Variants in KIRREL3 observed in about 807,000 individuals in gnomAD.
KIRREL3 encodes the protein kirre like nephrin family adhesion molecule 3.
A neutral mutation model predicts 89.7 loss-of-function variants in KIRREL3; 36 were observed. The ratio of observed to expected loss-of-function variants is 0.40; its 90% CI spans 0.31 to 0.53. KIRREL3 has a LOEUF of 0.53. Among genes scored for constraint, KIRREL3 ranks in the 20% least tolerant of loss-of-function variants. KIRREL3 has a pLI of 0.49. For synonymous variants in KIRREL3, 445 were observed against 441.4 expected, an observed-to-expected ratio of 1.01 and a Z score of -0.10; for missense variants, 864 against 1,056.6, an observed-to-expected ratio of 0.82 and a Z score of 2.53.
Position 126,527,247 on chromosome 11 carries a change from G to T in KIRREL3, c.134-560C>A, listed in dbSNP as rs1046882590. 3.9e-5 allele frequency among the ~76,000 whole-genome samples: 6 copies of T among 152,008 alleles called. No homozygotes were observed. Among genetic ancestry groups the T allele is most frequent in the African/African-American group, 1.5e-4 (6 of 41,376 alleles). ...GGGTGGGTGGTGGTGCAGTATGGCA[G>T]GAGGTGTGCTGAGGAGGCGTGCCAT... On this transcript the variant is annotated intron_variant, in intron 2 of 16. Coordinates refer to ENST00000525144, the MANE Select transcript of KIRREL3 (RefSeq NM_032531.4). This position sits in a 1 kb window ranked among gnomAD's most constrained non-coding sequence, Gnocchi z 4.2.
In KIRREL3 at chr11:126,486,790, G is replaced by A. The variant is rs1957372835; in HGVS notation, c.434-13324C>T. Among the ~76,000 whole-genome samples, 1 of 152,194 alleles carries A rather than the reference G, an allele frequency of 6.6e-6. No individual in the cohort carries two copies. Among genetic ancestry groups the A allele is most frequent in the African/African-American group, 2.4e-5 (1 of 41,438 alleles). ...ACTCAGTCCTAACTGCGGTACCATA[G>A]GCTGTGCTAGCAGGAGGATCTGCAT... On this transcript the variant is annotated intron_variant, in intron 4 of 16. Coordinates refer to ENST00000525144, the MANE Select transcript of KIRREL3 (RefSeq NM_032531.4). The surrounding 1 kb of genome is among the most constrained non-coding windows in gnomAD (Gnocchi z 6.2).
At chr11:126,846,539 T>G (rs905705613) in intron 1 of KIRREL3, among the ~76,000 whole-genome samples, 1 of 152,214 alleles carries the variant, frequency 6.6e-6, no homozygotes, top group Non-Finnish European at 1.5e-5. Context: ...TTTGGTCTTC[T>G]GTCTGGTGTC....
At chr11:126,616,807 A>G (rs1408586574) in intron 1 of KIRREL3, among the ~76,000 whole-genome samples, 3 of 152,086 alleles carry the variant, frequency 2.0e-5, no homozygotes, top group African/African-American at 7.2e-5. Context: ...GTGATTGGCT[A>G]TTTTTAATTT....
At chr11:126,863,208 C>G (rs2134625008) in intron 1 of KIRREL3, among the ~76,000 whole-genome samples, 1 of 152,350 alleles carries the variant, frequency 6.6e-6, no homozygotes, top group East Asian at 1.9e-4. Context: ...AACGTGCTAC[C>G]TGTGGGGGAA....
intron 4 of KIRREL3, among the ~76,000 whole-genome samples, chr11:126,480,962 G>A (rs1957202262): frequency 6.6e-6 from 1 of 152,170 alleles, no homozygotes; most frequent in East Asian, 1.9e-4. Context: ...AGAGACAAGA[G>A]GGAGCTGACC....
chr11:126,860,635 G>A lies in KIRREL3; in HGVS notation c.55+139820C>T, dbSNP rs371579587. ...AGTTGGGACCTACCCTATAAACAACGTATAGTTGTTGAAGGTTTCTAGACA... is the reference window on the plus strand; with the variant it reads ...AGTTGGGACCTACCCTATAAACAACATATAGTTGTTGAAGGTTTCTAGACA... On this transcript the variant is annotated intron_variant, in intron 1 of 16. Transcript: ENST00000525144. The surrounding 1 kb of genome is among the most constrained non-coding windows in gnomAD (Gnocchi z 4.6). 9.2e-5 allele frequency among the ~76,000 whole-genome samples: 14 copies of A among 152,320 alleles called. No homozygotes were observed. In the East Asian group the frequency reaches 2.1e-3, roughly 23 times the overall value.
At chr11:126,650,160 C>T (rs903629573) in intron 1 of KIRREL3, among the ~76,000 whole-genome samples, 5 of 152,220 alleles carry the variant, frequency 3.3e-5, no homozygotes, top group African/African-American at 9.6e-5. Flanking sequence ...GGACCCTGGG[C>T]CCGTCCCATG....
intron 1 of KIRREL3, among the ~76,000 whole-genome samples, chr11:126,945,704 T>A (rs1270876302): frequency 6.6e-6 from 1 of 152,076 alleles, no homozygotes; most frequent in African/African-American, 2.4e-5. Context: ...TTCCTTATAA[T>A]GGCGGGAAAA....
chr11:126,507,483 A>G (rs76317097), intron 4 of KIRREL3, among the ~76,000 whole-genome samples: 1 of 152,050 alleles, frequency 6.6e-6, no homozygotes. Flanking sequence ...CTTTTTTTGA[A>G]TAGCATTGAT....
At chr11:126,727,303 C>G (rs565519706) in intron 1 of KIRREL3, among the ~76,000 whole-genome samples, 6 of 152,396 alleles carry the variant, frequency 3.9e-5, no homozygotes, top group Non-Finnish European at 7.3e-5. Flanking sequence ...TTCTCAGAAG[C>G]TCAGCTACCT....
rs954337568 is a variant in KIRREL3 at position 126,647,741 on chromosome 11, T to G, written c.56-84829A>C. The stretch of plus-strand genomic sequence containing the variant: ...CGCAGCTTCCATCCTTGTCTTCTGC[T>G]GTCTAGTTTCAACAGGGCAGTCTGA... On this transcript the variant is annotated intron_variant, in intron 1 of 16. Transcript: ENST00000525144. This position sits in a 1 kb window ranked among gnomAD's most constrained non-coding sequence, Gnocchi z 4.9. Among the ~76,000 whole-genome samples, 1 of 152,220 alleles carries G rather than the reference T, an allele frequency of 6.6e-6. No homozygotes were observed. The highest frequency in any genetic ancestry group is 1.5e-5 in the Non-Finnish European group (1 of 68,032).
In KIRREL3 at chr11:126,651,199, A is replaced by G. The variant is rs1944895545; in HGVS notation, c.56-88287T>C. On this transcript the variant is annotated intron_variant, in intron 1 of 16. Transcript: ENST00000525144. This position sits in a 1 kb window ranked among gnomAD's most constrained non-coding sequence, Gnocchi z 4.6. ...ACTGCAATCCACGTCTAAATGAGAA[A>G]ATGGTTCCTTGCTATAGGATTTCTC... is the stretch of plus-strand genomic sequence containing the variant. Among the ~76,000 whole-genome samples, 1 of 152,198 alleles carries G rather than the reference A, an allele frequency of 6.6e-6. No homozygotes were observed. The highest frequency in any genetic ancestry group is 1.5e-5 in the Non-Finnish European group (1 of 68,038).
Position 126,431,661 on chromosome 11 carries a change from G to T in KIRREL3, c.1589-135C>A, listed in dbSNP as rs1955137374. ...TGGGAAATGCCTCAGTGGGGCCTGG[G>T]CAGGCACAGGCCGAGTCCAACTGGG... is the stretch of plus-strand genomic sequence containing the variant. On this transcript the variant is annotated intron_variant, in intron 13 of 16. Coordinates refer to ENST00000525144, the MANE Select transcript of KIRREL3 (RefSeq NM_032531.4). This position sits in a 1 kb window ranked among gnomAD's most constrained non-coding sequence, Gnocchi z 7.1. 1.2e-6 allele frequency: 1 copy of T among 846,890 alleles called. No homozygotes were observed. The highest frequency in any genetic ancestry group is 1.9e-6 in the Non-Finnish European group (1 of 539,810). The allele number at this position is 846,890 out of a possible 1,614,324, so 52.5% of individuals were successfully genotyped here. A position where few individuals can be genotyped will look rare whatever the true frequency, so the allele number is the denominator to read the frequency against.
intron 1 of KIRREL3, among the ~76,000 whole-genome samples, chr11:126,595,103 G>A (rs1942332939): frequency 6.6e-6 from 1 of 152,374 alleles, no homozygotes. Context: ...CCTGAGGGCT[G>A]TCAGCCCGGC....
chr11:126,998,627 C>G (rs1210194597), intron 1 of KIRREL3, among the ~76,000 whole-genome samples: 1 of 152,300 alleles, frequency 6.6e-6, no homozygotes, highest in East Asian at 1.9e-4. Flanking sequence ...ATGAAGCAGT[C>G]AAGAAACAGC....
At chr11:126,741,315 A>T (rs918258308) in intron 1 of KIRREL3, among the ~76,000 whole-genome samples, 1 of 152,196 alleles carries the variant, frequency 6.6e-6, no homozygotes, top group Admixed American at 6.5e-5. Context: ...TTAATGATAC[A>T]GTCTTTATGG....
chr11:126,665,112 T>C (rs1284852942), intron 1 of KIRREL3, among the ~76,000 whole-genome samples: 1 of 152,168 alleles, frequency 6.6e-6, no homozygotes, highest in Non-Finnish European at 1.5e-5. Context: ...TGTTGTAGAT[T>C]TCCTTCCACC....
rs941933020 is a variant in KIRREL3 at position 126,537,824 on chromosome 11, G to T, written c.134-11137C>A. 6.6e-6 allele frequency among the ~76,000 whole-genome samples: 1 copy of T among 152,244 alleles called. No homozygotes were observed. The highest frequency in any genetic ancestry group is 1.9e-4 in the East Asian group (1 of 5,206). Reference sequence around the variant, plus strand: ...TTCACAAAGGGTCATTCTTACTTTCGTCACTATCCACAAGTCTTTCCTGAG... The same window carrying T: ...TTCACAAAGGGTCATTCTTACTTTCTTCACTATCCACAAGTCTTTCCTGAG... On this transcript the variant is annotated intron_variant, in intron 2 of 16. Coordinates refer to ENST00000525144, the MANE Select transcript of KIRREL3 (RefSeq NM_032531.4). This position sits in a 1 kb window ranked among gnomAD's most constrained non-coding sequence, Gnocchi z 4.3.
intron 1 of KIRREL3, among the ~76,000 whole-genome samples, chr11:126,899,622 T>C (rs112682189): frequency 0.02 from 3,041 of 152,334 alleles, 106 homozygotes; most frequent in African/African-American, 0.068. Flanking sequence ...TTGTCACCAA[T>C]TGGCATATCT....
Sources: gnomAD v4.1 joint callset for allele counts (sites outside exome capture counted in the v4.1 genomes callset) on GRCh38, gnomAD v4.1.1 for gene constraint, Gnocchi (gnomAD v3.1) non-coding constraint, MANE v1.5 for transcripts, NCBI Gene and HGNC (gene_info 2026-07-23, HGNC 2026-07-21) for gene names.